Variants in TRIT1 observed in about 807,000 individuals in gnomAD.
The protein encoded by TRIT1 is tRNA dimethylallyltransferase.
In TRIT1, 43 loss-of-function variants were observed where a neutral mutation model predicts 51.2. The observed-to-expected ratio is 0.84, with a 90% CI of 0.66 to 1.08. TRIT1 has a LOEUF of 1.08. TRIT1 is among the 50% of genes least tolerant of loss of function. The pLI, the probability that TRIT1 is intolerant of heterozygous loss-of-function variation, is 0.00. For synonymous variants in TRIT1, 184 were observed against 203.9 expected, an observed-to-expected ratio of 0.90 and a Z score of 0.83; for missense variants, 528 against 578.4, an observed-to-expected ratio of 0.91 and a Z score of 0.89.
In TRIT1 at chr1:39,844,100, C is replaced by T. The variant is rs1253633102; in HGVS notation, c.1234+1G>A. 1 of 1,611,102 alleles carries T rather than the reference C, an allele frequency of 6.2e-7. No individual in the cohort carries two copies. The highest frequency in any genetic ancestry group is 8.5e-7 in the Non-Finnish European group (1 of 1,177,258). On this transcript the variant is annotated splice_donor_variant, in intron 10 of 10. Coordinates refer to ENST00000316891, the MANE Select transcript of TRIT1 (RefSeq NM_017646.6). LOFTEE classifies it high-confidence loss of function. ...TCTTCATGCCCCTCCCCATACTCTA[C>T]CTGCCCATTCGCGATCCCCAATGAT...
Position 39,844,093 on chromosome 1 carries a change from T to C in TRIT1, c.1234+8A>G. The C allele has an allele frequency of 1.2e-6, 2 of 1,606,196 alleles. No homozygotes were observed. The highest frequency in any genetic ancestry group is 1.7e-6 in the Non-Finnish European group (2 of 1,172,954). ...ATAGATTTCTTCATGCCCCTCCCCA[T>C]ACTCTACCTGCCCATTCGCGATCCC... is the stretch of plus-strand genomic sequence containing the variant. On this transcript the variant is annotated splice_region_variant and intron_variant, in intron 10 of 10. Coordinates refer to ENST00000316891, the MANE Select transcript of TRIT1 (RefSeq NM_017646.6).
At position 39,883,396 on chromosome 1, in the gene TRIT1, C is replaced by G. The variant is rs775224598; in HGVS notation, c.96G>C (p.Thr32=). The G allele has an allele frequency of 4.3e-6, 7 of 1,613,546 alleles. No individual in the cohort carries two copies. The East Asian group carries it at 1.6e-4, about 36-fold the overall frequency. Reference sequence around the variant, plus strand: ...ACGCCAGCGTGGATTTGCCGGTGCCCGTGGCCCCGAGAATCACTACAAGAG... The same window carrying G: ...ACGCCAGCGTGGATTTGCCGGTGCCGGTGGCCCCGAGAATCACTACAAGAG... ...TLPLVVILGA[T]GTGKSTLALQ... Residue 32 remains threonine (T), a synonymous_variant, in exon 1 of 11, where the codon ACG becomes ACC. Transcript: ENST00000316891.
intron 1 of TRIT1, among the ~76,000 whole-genome samples, chr1:39,877,082 C>T (rs1644094092): frequency 6.7e-6 from 1 of 148,472 alleles, no homozygotes; most frequent in Admixed American, 6.7e-5. Context: ...TTTATTAAGC[C>T]ACTGTGATCC....
At chr1:39,883,246 A>G in intron 1 of TRIT1, 72 bp downstream of exon 1, 12 of 1,511,364 alleles carry the variant, frequency 7.9e-6, no homozygotes, top group Non-Finnish European at 9.9e-6. Context: ...TTCACCCTTT[A>G]AGACCTTTGC....
intron 1 of TRIT1, among the ~76,000 whole-genome samples, chr1:39,875,271 C>T (rs1427290678): frequency 1.3e-5 from 2 of 151,918 alleles, no homozygotes; most frequent in Non-Finnish European, 2.9e-5. Flanking sequence ...GGGCAGATCA[C>T]GAGGTCAGGA....
In TRIT1 at chr1:39,882,125, C is replaced by T. The variant is rs77119384; in HGVS notation, c.174+1193G>A. On this transcript the variant is annotated intron_variant, in intron 1 of 10. Transcript: ENST00000316891. ...TACTTTACAGAAGAAGAAACAAAGGCATGAAGAGGTTAGGCTATAGCTGCA... is the reference window on the plus strand; with the variant it reads ...TACTTTACAGAAGAAGAAACAAAGGTATGAAGAGGTTAGGCTATAGCTGCA... Among the ~76,000 whole-genome samples, 1,178 of 152,286 alleles carry T rather than the reference C, an allele frequency of 7.7e-3. 71 individuals are homozygous for T. The East Asian group carries it at 0.18, about 23-fold the overall frequency.
intron 1 of TRIT1, among the ~76,000 whole-genome samples, chr1:39,864,517 G>A (rs1348974877): frequency 6.7e-6 from 1 of 150,224 alleles, no homozygotes; most frequent in African/African-American, 2.4e-5. Flanking sequence ...GCTGAGGCAG[G>A]AGAATGGTGT....
intron 10 of TRIT1, 84 bp from the exon 11 acceptor site, chr1:39,841,997 C>G: frequency 7.1e-7 from 1 of 1,407,562 alleles, no homozygotes; most frequent in South Asian, 1.4e-5. Context: ...GTAAAATTAA[C>G]TATACAATGC....
intron 3 of TRIT1, 44 bp from the exon 4 acceptor site, chr1:39,852,920 T>G (rs1325507409): frequency 1.2e-6 from 2 of 1,604,056 alleles, no homozygotes; most frequent in Non-Finnish European, 1.7e-6. Context: ...CAACCAACAC[T>G]GAGACAGTGT....
chr1:39,849,494 T>C (rs1242526997), intron 5 of TRIT1, among the ~76,000 whole-genome samples: 1 of 152,150 alleles, frequency 6.6e-6, no homozygotes, highest in African/African-American at 2.4e-5. Context: ...CCTACAGCAC[T>C]CTGAAAATAT....
At chr1:39,851,024 C>T (rs1177734025) in intron 4 of TRIT1, among the ~76,000 whole-genome samples, 1 of 152,212 alleles carries the variant, frequency 6.6e-6, no homozygotes, top group Non-Finnish European at 1.5e-5. Context: ...AATCTACACT[C>T]TACCACTCTG....
At chr1:39,846,519 A>AG (rs1169971505) in intron 8 of TRIT1, among the ~76,000 whole-genome samples, 1 of 152,236 alleles carries the variant, frequency 6.6e-6, no homozygotes, top group Non-Finnish European at 1.5e-5. Flanking sequence ...AGTAGTATAA[A>AG]GGAGTGTGGA....
chr1:39,852,735 C>A lies in TRIT1; in HGVS notation c.556G>T (p.Ala186Ser). 1.9e-6 allele frequency: 3 copies of A among 1,613,490 alleles called. No homozygotes were observed. Among genetic ancestry groups the A allele is most frequent in the Non-Finnish European group, 8.5e-7 (1 of 1,179,738 alleles). The change falls in exon 4 of 11, where the codon GCC becomes TCC. Residue 186 changes from alanine (A) to serine (S), a missense_variant. Ala to Ser is a moderately conservative substitution (Grantham distance 99). Around this residue, in one of 3 missense-constraint regions of TRIT1, gnomAD observed 468 missense variants for 522.6 expected, o/e 0.90. Transcript: ENST00000316891. ...CAGCGCGCCAGGCTTTCTTACCTGG[C>A]CACTTTGCGTTTGTCATGTGGATGC... ...KLHPHDKRKV[A>S]RSLQVFEETG... is the part of the protein sequence containing the mutation.
intron 5 of TRIT1, among the ~76,000 whole-genome samples, chr1:39,848,989 C>T (rs1642403200): frequency 6.6e-6 from 1 of 151,990 alleles, no homozygotes; most frequent in Admixed American, 6.6e-5. Flanking sequence ...TATAAAATTT[C>T]ATTATTGAAA....
intron 5 of TRIT1, among the ~76,000 whole-genome samples, chr1:39,848,996 G>C (rs1038111838): frequency 3.9e-5 from 6 of 151,932 alleles, no homozygotes; most frequent in Non-Finnish European, 7.4e-5. Context: ...TTTCATTATT[G>C]AAAAATTACC....
chr1:39,861,224 C>T (rs988171595), intron 1 of TRIT1, among the ~76,000 whole-genome samples: 1 of 152,108 alleles, frequency 6.6e-6, no homozygotes, highest in African/African-American at 2.4e-5. Flanking sequence ...GCAGCTATTA[C>T]GGAAAACAAT....
chr1:39,879,801 A>G (rs1644189492), intron 1 of TRIT1, among the ~76,000 whole-genome samples: 1 of 144,742 alleles, frequency 6.9e-6, no homozygotes, highest in Admixed American at 7.1e-5. Flanking sequence ...TAACCTGGGA[A>G]GTGGAGGTTG....
At chr1:39,844,468 G>A (rs140908226) in intron 9 of TRIT1, 63 bp downstream of exon 9, 12 of 1,277,898 alleles carry the variant, frequency 9.4e-6, no homozygotes, top group Middle Eastern at 1.8e-4. Flanking sequence ...TAGCAACAAA[G>A]GTGTCAGCTA....
chr1:39,843,251 T>C (rs1642024345), intron 10 of TRIT1, among the ~76,000 whole-genome samples: 1 of 152,116 alleles, frequency 6.6e-6, no homozygotes, highest in African/African-American at 2.4e-5. Flanking sequence ...GAGAATCCCA[T>C]GCAAAACAGT....
Sources: gnomAD v4.1 joint callset for allele counts (sites outside exome capture counted in the v4.1 genomes callset) on GRCh38, gnomAD v4.1.1 for gene constraint, gnomAD v4.1.1 regional missense constraint, MANE v1.5 for transcripts, NCBI Gene and HGNC (gene_info 2026-07-23, HGNC 2026-07-21) for gene names.